Variants in NRG3 observed in about 807,000 individuals in gnomAD.
The protein encoded by NRG3 is neuregulin 3, also known as pro-neuregulin-3, membrane-bound isoform.
Under a neutral mutation model 66.9 loss-of-function variants are expected in NRG3, and 31 were observed. That is an observed-to-expected ratio of 0.46 (90% CI 0.35 to 0.63). The LOEUF is 0.63. NRG3 is among the 20% of genes least tolerant of loss of function. The pLI, the probability that NRG3 is intolerant of heterozygous loss-of-function variation, is 0.00. For synonymous variants in NRG3, 393 were observed against 359.4 expected (o/e 1.09, Z -1.06); for missense variants, 910 against 878.9 (o/e 1.04, Z -0.45).
intron 2 of NRG3, among the ~76,000 whole-genome samples, chr10:82,524,166 A>T (rs146246331): frequency 5.3e-5 from 8 of 152,060 alleles, no homozygotes; most frequent in African/African-American, 1.9e-4. Flanking sequence ...CTTATAAAAT[A>T]TATCTCATTT....
At chr10:82,738,690 G>A (rs2058272551) in intron 3 of NRG3, 40 bp downstream of exon 3, 1 of 1,523,674 alleles carries the variant, frequency 6.6e-7, no homozygotes, top group African/African-American at 1.4e-5. Flanking sequence ...GCAATATATA[G>A]GCAGCGTTTA....
intron 4 of NRG3, among the ~76,000 whole-genome samples, chr10:82,901,316 G>T (rs967820624): frequency 3.3e-5 from 5 of 151,952 alleles, no homozygotes; most frequent in African/African-American, 1.2e-4. Context: ...CTCTCCAAAG[G>T]TTTTGAAATC....
intron 2 of NRG3, among the ~76,000 whole-genome samples, chr10:82,497,167 C>T (rs1353257574): frequency 6.6e-6 from 1 of 152,122 alleles, no homozygotes; most frequent in Non-Finnish European, 1.5e-5. Context: ...CAAGTTGGCT[C>T]TCTTCATCCT....
At chr10:82,097,906 T>C (rs1306464362) in intron 1 of NRG3, among the ~76,000 whole-genome samples, 1 of 152,164 alleles carries the variant, frequency 6.6e-6, no homozygotes, top group Non-Finnish European at 1.5e-5. Context: ...ATATATTCTT[T>C]GATAAAGTCT....
intron 1 of NRG3, among the ~76,000 whole-genome samples, chr10:82,349,811 G>C (rs540492915): frequency 2.0e-5 from 3 of 152,228 alleles, no homozygotes; most frequent in Non-Finnish European, 4.4e-5. Context: ...GTATTCGGGT[G>C]GGAGTGACCC....
chr10:82,732,671 T>C (rs1443376215), intron 2 of NRG3, among the ~76,000 whole-genome samples: 1 of 152,216 alleles, frequency 6.6e-6, no homozygotes, highest in African/African-American at 2.4e-5. Context: ...CCACAGGTAT[T>C]GTATCATTTA....
intron 1 of NRG3, among the ~76,000 whole-genome samples, chr10:82,052,077 A>G (rs777317373): frequency 7.9e-4 from 119 of 151,490 alleles, no homozygotes; most frequent in Non-Finnish European, 4.3e-4. Context: ...TTTTCTGGCA[A>G]TGTATGACAG....
intron 4 of NRG3, among the ~76,000 whole-genome samples, chr10:82,951,191 T>G (rs1347754844): frequency 6.6e-6 from 1 of 152,244 alleles, no homozygotes; most frequent in African/African-American, 2.4e-5. Context: ...CAGTAAATCC[T>G]AAAGTCATAG....
chr10:82,346,974 TGCTA>T (rs1456771635), intron 1 of NRG3, among the ~76,000 whole-genome samples: 1 of 152,134 alleles, frequency 6.6e-6, no homozygotes, highest in Non-Finnish European at 1.5e-5. Flanking sequence ...TTATTAGTCT[TGCTA>T]GCTGTCTATC....
chr10:82,216,452 T>A (rs186038421), intron 1 of NRG3, among the ~76,000 whole-genome samples: 15,742 of 142,912 alleles, frequency 0.11, 895 homozygotes, highest in Middle Eastern at 0.19. Flanking sequence ...AAAATACATT[T>A]TATATATATG....
At chr10:81,898,903 T>C (rs919283187) in intron 1 of NRG3, among the ~76,000 whole-genome samples, 9 of 152,196 alleles carry the variant, frequency 5.9e-5, no homozygotes, top group Non-Finnish European at 1.5e-5. Flanking sequence ...AAAACAAACA[T>C]TGGTAATAAA....
chr10:82,674,870 C>T (rs1384780364), intron 2 of NRG3, among the ~76,000 whole-genome samples: 2 of 151,794 alleles, frequency 1.3e-5, no homozygotes, highest in Non-Finnish European at 2.9e-5. Context: ...GACATGAGGC[C>T]GGCCACACCA....
intron 2 of NRG3, among the ~76,000 whole-genome samples, chr10:82,630,250 T>C (rs558210128): frequency 6.6e-6 from 1 of 151,004 alleles, no homozygotes; most frequent in South Asian, 2.1e-4. Flanking sequence ...GAAAAGTAAA[T>C]AAAGAGGTAA....
intron 3 of NRG3, among the ~76,000 whole-genome samples, chr10:82,754,756 G>C (rs766653942): frequency 1.3e-5 from 2 of 151,930 alleles, no homozygotes; most frequent in Non-Finnish European, 1.5e-5. Flanking sequence ...CTATTCTGTG[G>C]GGTGTTTCAT....
intron 1 of NRG3, among the ~76,000 whole-genome samples, chr10:82,282,012 G>A (rs1237707310): frequency 6.6e-6 from 1 of 151,982 alleles, no homozygotes. Flanking sequence ...CTAATACTAT[G>A]TATTCCAAGC....
At chr10:82,933,747 AC>A (rs1344912664) in intron 4 of NRG3, among the ~76,000 whole-genome samples, 2 of 152,120 alleles carry the variant, frequency 1.3e-5, no homozygotes, top group Non-Finnish European at 2.9e-5. Context: ...TGATCTAAGC[AC>A]CTCTTTTGTG....
At chr10:81,993,300 C>T (rs879271406) in intron 1 of NRG3, among the ~76,000 whole-genome samples, 1 of 152,092 alleles carries the variant, frequency 6.6e-6, no homozygotes, top group Non-Finnish European at 1.5e-5. Context: ...ATTAGTTGAC[C>T]ATGAGCACAC....
intron 1 of NRG3, among the ~76,000 whole-genome samples, chr10:82,240,929 C>T (rs1426869740): frequency 2.0e-5 from 3 of 151,970 alleles, no homozygotes; most frequent in Non-Finnish European, 4.4e-5. Flanking sequence ...AACCCTGTTA[C>T]AATGTTTTAT....
intron 2 of NRG3, among the ~76,000 whole-genome samples, chr10:82,471,008 T>C (rs547083812): frequency 6.6e-6 from 1 of 152,264 alleles, no homozygotes; most frequent in African/African-American, 2.4e-5. Flanking sequence ...CACCTCTCTG[T>C]GCAAGAGCTG....
Sources: gnomAD v4.1 joint callset for allele counts (sites outside exome capture counted in the v4.1 genomes callset) on GRCh38, gnomAD v4.1.1 for gene constraint, MANE v1.5 for transcripts, NCBI Gene and HGNC (gene_info 2026-07-23, HGNC 2026-07-21) for gene names.